The following RIF1 variants were observed in gnomAD, a reference collection of about 807,000 sequenced individuals.
RIF1 encodes the protein telomere-associated protein RIF1.
A neutral mutation model predicts 247.1 loss-of-function variants in RIF1; 45 were observed. That is an observed-to-expected ratio of 0.18 (90% CI 0.14 to 0.23). The LOEUF (loss-of-function observed/expected upper bound fraction) is 0.23. Ranked by LOEUF, RIF1 falls within the 10% of genes least tolerant of loss-of-function variation. RIF1 has a pLI of 1.00. For missense variants in RIF1, 2,967 were observed against 2,862.5 expected, an observed-to-expected ratio of 1.04 and a Z score of -0.83; for synonymous variants, 1,087 against 978.8, an observed-to-expected ratio of 1.11 and a Z score of -2.06.
chr2:151,486,388 A>G (rs2050406404), downstream of RIF1: 1 of 160,296 alleles, frequency 6.2e-6, no homozygotes, highest in South Asian at 1.8e-4. Flanking sequence ...TGGGTCCTTC[A>G]TAAACCACTG....
rs761727935 is a variant in RIF1, at chr2:151,465,309, A to G, written c.5789A>G (p.Gln1930Arg). Residue 1930 changes from glutamine (Q) to arginine (R), a missense_variant, in exon 30 of 36, where the codon CAA (glutamine) becomes CGA (arginine). By Grantham distance (43) the Gln-to-Arg change is conservative. Around this residue, in one of 7 missense-constraint regions of RIF1, gnomAD observed 2,028 missense variants for 1,825.6 expected, o/e 1.11. Transcript: ENST00000444746. Reference sequence around the variant, plus strand: ...GGAAATGAAGCTAGCTTTCATGGACAAGAGAGAACCAAAACTGGTATTTCT... The same window carrying G: ...GGAAATGAAGCTAGCTTTCATGGACGAGAGAGAACCAAAACTGGTATTTCT... Reference protein sequence around the residue: ...NVGNEASFHGQERTKTGISEE... With the variant: ...NVGNEASFHGRERTKTGISEE... The G allele has an allele frequency of 6.2e-7, 1 of 1,613,826 alleles. No homozygotes were observed. The highest frequency in any genetic ancestry group is 8.5e-7 in the Non-Finnish European group (1 of 1,179,970).
At chr2:151,501,543 A>C in intron 11 of RIF1, 1 of 882,492 alleles carries the variant, frequency 1.1e-6, no homozygotes, top group East Asian at 2.9e-5. Context: ...AGGTAGACTT[A>C]ACCTAAAAAA....
chr2:151,430,624 AATT>A (rs1454149034), intron 9 of RIF1, among the ~76,000 whole-genome samples: 1 of 151,908 alleles, frequency 6.6e-6, no homozygotes, highest in African/African-American at 2.4e-5. Flanking sequence ...CCAGCCCTAT[AATT>A]ACTTTTATTT....
chr2:151,437,573 C>T (rs1212479023), intron 13 of RIF1, among the ~76,000 whole-genome samples: 1 of 152,078 alleles, frequency 6.6e-6, no homozygotes, highest in East Asian at 1.9e-4. Flanking sequence ...TACCTGTAGT[C>T]CCAGCTACTC....
rs923413026 is a variant in RIF1, at chr2:151,457,312, G to A, written c.2653-449G>A. Among the ~76,000 whole-genome samples the A allele has an allele frequency of 1.5e-4, 23 of 152,042 alleles. 1 individual carries two copies. The highest frequency in any genetic ancestry group is 5.8e-4 in the East Asian group (3 of 5,156). On this transcript the variant is annotated intron_variant, in intron 23 of 35. Transcript: ENST00000444746. ...TAATTTTTGTATTTTTTGTAGAGGC[G>A]GGGTTTTGCCATGTTGCTCAGGCTC...
Position 151,464,214 on chromosome 2 carries a change from G to A in RIF1, c.4694G>A (p.Arg1565Lys). The A allele has an allele frequency of 6.2e-7, 1 of 1,613,648 alleles. No homozygotes were observed. The highest frequency in any genetic ancestry group is 8.5e-7 in the Non-Finnish European group (1 of 1,179,914). The change falls in exon 30 of 36, where the codon AGG (arginine) becomes AAG (lysine). Residue 1565 changes from arginine to lysine, a missense_variant. Arg to Lys is a conservative substitution (Grantham distance 26). Transcript: ENST00000444746. ...TCGGAGGCAAAAGAAGAAGGTTCTA[G>A]GAAGAAGAGATCTGGAAAATGGAAA... Reference protein sequence around the residue: ...DSSEAKEEGSRKKRSGKWKNK... With the variant: ...DSSEAKEEGSKKKRSGKWKNK...
chr2:151,455,109 A>T lies in RIF1; in HGVS notation c.2559A>T (p.Lys853Asn). ...GHISLPSMIR[K>N]IFATLTRPLA... ...TTTCTTTGCCTTCTATGATCCGAAA[A>T]ATATTTGCAACTTTAACAAGACCTC... The change falls in exon 22 of 36, where the codon AAA (lysine) becomes AAT (asparagine). Residue 853 changes from lysine (K) to asparagine (N), a missense_variant. Lys to Asn is a moderately conservative substitution (Grantham distance 94). Coordinates refer to ENST00000444746, the MANE Select transcript of RIF1 (RefSeq NM_018151.5). 1 of 1,613,262 alleles carries T rather than the reference A, an allele frequency of 6.2e-7. No individual in the cohort carries two copies. Among genetic ancestry groups the T allele is most frequent in the Non-Finnish European group, 8.5e-7 (1 of 1,179,550 alleles).
intron 33 of RIF1, 101 bp from the exon 34 acceptor site, chr2:151,469,610 T>TA (rs1697493191): frequency 1.1e-6 from 1 of 903,612 alleles, no homozygotes; most frequent in Non-Finnish European, 1.6e-6. Flanking sequence ...TAACCTCAGT[T>TA]ATGATTGAGC....
rs747960191 is a variant in RIF1, at chr2:151,443,636, A to C, written c.1913A>C (p.Gln638Pro). 6.2e-7 allele frequency: 1 copy of C among 1,612,162 alleles called. No individual in the cohort carries two copies. The highest frequency in any genetic ancestry group is 8.5e-7 in the Non-Finnish European group (1 of 1,179,384). The change falls in exon 18 of 36, where the codon CAG becomes CCG. Residue 638 changes from glutamine to proline, a missense_variant. Physicochemically the swap from Gln to Pro is moderately conservative, Grantham distance 76. Transcript: ENST00000444746. Reference protein sequence around the residue: ...VLNVINQNAKQLENKEHLWKM... With the variant: ...VLNVINQNAKPLENKEHLWKM... ...AATGTTATTAATCAAAATGCAAAGC[A>C]GTTGGAAAATAAGGAGCATCTCTGG... is the stretch of plus-strand genomic sequence containing the variant.
At chr2:151,515,895 C>A in the RIF1 span, among the ~76,000 whole-genome samples, 1 of 152,068 alleles carries the variant, frequency 6.6e-6, no homozygotes, top group Non-Finnish European at 1.5e-5. Flanking sequence ...ATGGAAATTC[C>A]AAATAAGCCC....
At chr2:151,486,637 G>A (rs2050649933), downstream of RIF1, 2 of 152,192 alleles carry the variant, frequency 1.3e-5, no homozygotes, top group African/African-American at 4.8e-5. Flanking sequence ...AGCAAGATCT[G>A]GTATATCCAT....
At position 151,479,377 on chromosome 2, in the gene RIF1, A is replaced by G. The variant is rs2049074818; in HGVS notation, c.*4306A>G. Reference sequence around the variant, plus strand: ...ATCTTATTGATAAGGCAAAGTAGACAAAGTATTTTCTCATGAGTATTTGTG... The same window carrying G: ...ATCTTATTGATAAGGCAAAGTAGACGAAGTATTTTCTCATGAGTATTTGTG... On this transcript the variant is annotated 3_prime_UTR_variant, in exon 36 of 36. Coordinates refer to ENST00000444746, the MANE Select transcript of RIF1 (RefSeq NM_018151.5). 6.6e-6 allele frequency: 1 copy of G among 152,230 alleles called. No individual in the cohort carries two copies. Among genetic ancestry groups the G allele is most frequent in the Admixed American group, 6.5e-5 (1 of 15,278 alleles). The allele number at this position is 152,230 out of a possible 1,614,324, so 9.4% of individuals were successfully genotyped here. A position where few individuals can be genotyped will look rare whatever the true frequency, so the allele number is the denominator to read the frequency against.
At chr2:151,523,287 AAAT>A in the RIF1 span, among the ~76,000 whole-genome samples, 7 of 152,206 alleles carry the variant, frequency 4.6e-5, no homozygotes, top group Admixed American at 2.6e-4. Context: ...AACTTTTAAA[AAAT>A]AATATTTGCT....
intron 13 of RIF1, chr2:151,507,067 T>G: frequency 9.1e-7 from 1 of 1,101,248 alleles, no homozygotes; most frequent in Non-Finnish European, 1.4e-6. Context: ...TTTGTTTTCT[T>G]TATTTGTCCT....
At chr2:151,515,272 T>C in the RIF1 span, among the ~76,000 whole-genome samples, 2 of 152,264 alleles carry the variant, frequency 1.3e-5, no homozygotes, top group South Asian at 4.1e-4. Context: ...TTTCTTAAGG[T>C]GACAAAAGAC....
At position 151,464,360 on chromosome 2, in the gene RIF1, A is replaced by C. The variant is rs148215725; in HGVS notation, c.4840A>C (p.Ile1614Leu). The change falls in exon 30 of 36, where the codon ATA (isoleucine) becomes CTA (leucine). Residue 1614 changes from isoleucine (I) to leucine (L), a missense_variant. Coordinates refer to ENST00000444746, the MANE Select transcript of RIF1 (RefSeq NM_018151.5). ...YKATSEEDVSIKSPICEKQDE... is the reference protein window; with the variant it reads ...YKATSEEDVSLKSPICEKQDE... ...AGCAACTTCTGAAGAAGATGTAAGC[A>C]TAAAATCTCCGATTTGCGAAAAACA... 1.3e-5 allele frequency: 21 copies of C among 1,610,772 alleles called. No homozygotes were observed. The highest frequency in any genetic ancestry group is 1.8e-5 in the Non-Finnish European group (21 of 1,179,106).
intron 20 of RIF1, among the ~76,000 whole-genome samples, chr2:151,448,734 ATTATG>A (rs1325351314): frequency 6.6e-6 from 1 of 152,046 alleles, no homozygotes; most frequent in Non-Finnish European, 1.5e-5. Context: ...TCTGTACTTT[ATTATG>A]TTATTTCACC....
the RIF1 span, among the ~76,000 whole-genome samples, chr2:151,523,697 T>C: frequency 6.6e-6 from 1 of 152,156 alleles, no homozygotes; most frequent in Non-Finnish European, 1.5e-5. Flanking sequence ...GGGCAACACA[T>C]TTCTGAGTCC....
chr2:151,469,681 A>G, intron 33 of RIF1, 30 bp from the exon 34 acceptor site: 14 of 1,452,002 alleles, frequency 9.6e-6, no homozygotes, highest in Non-Finnish European at 1.3e-5. Flanking sequence ...AAACTATATA[A>G]TTATAATTTC....
Sources: allele counts gnomAD v4.1 joint callset (sites outside exome capture counted in the v4.1 genomes callset), GRCh38; gene constraint gnomAD v4.1.1; regional missense constraint gnomAD v4.1.1; transcripts MANE v1.5; gene names NCBI Gene and HGNC (gene_info 2026-07-23, HGNC 2026-07-21).